The following DSCAM variants were observed in gnomAD, a reference collection of about 807,000 sequenced individuals.
The protein encoded by DSCAM is DS cell adhesion molecule, also known as cell adhesion molecule DSCAM.
Under a neutral mutation model 217.7 loss-of-function variants are expected in DSCAM, and 47 were observed. The observed-to-expected ratio is 0.22, with a 90% CI of 0.17 to 0.28. The LOEUF is 0.28. Ranked by LOEUF, DSCAM falls within the 10% of genes least tolerant of loss-of-function variation. The pLI is 1.00. For synonymous variants in DSCAM, 1,056 were observed against 1,015.3 expected (o/e 1.04, Z -0.76); for missense variants, 2,080 against 2,618.3 (o/e 0.79, Z 4.49).
At chr21:40,746,884 A>C (rs2091180110) in intron 1 of DSCAM, among the ~76,000 whole-genome samples, 1 of 151,984 alleles carries the variant, frequency 6.6e-6, no homozygotes, top group African/African-American at 2.4e-5. Flanking sequence ...CCACCATGGA[A>C]TAAAACTAAA....
intron 27 of DSCAM, among the ~76,000 whole-genome samples, chr21:40,069,278 G>A (rs983263341): frequency 6.6e-6 from 1 of 152,186 alleles, no homozygotes; most frequent in Non-Finnish European, 1.5e-5. Context: ...GTTAGATCGA[G>A]TTTTGGGAAA....
chr21:40,793,005 T>G (rs1212791340), intron 1 of DSCAM, among the ~76,000 whole-genome samples: 1 of 152,320 alleles, frequency 6.6e-6, no homozygotes, highest in East Asian at 1.9e-4. Context: ...TATATTTAGG[T>G]CCAAAAGGTA....
intron 1 of DSCAM, among the ~76,000 whole-genome samples, chr21:40,815,073 G>A (rs1054672827): frequency 5.9e-5 from 9 of 152,168 alleles, no homozygotes; most frequent in African/African-American, 2.2e-4. Context: ...GCAGCCCAGT[G>A]ATGCAGGCAG....
At chr21:40,430,590 T>C (rs573235332) in intron 3 of DSCAM, among the ~76,000 whole-genome samples, 28 of 152,326 alleles carry the variant, frequency 1.8e-4, no homozygotes, top group African/African-American at 6.3e-4. Context: ...ATCCTATGAT[T>C]GTGTAAGTTA....
At chr21:40,057,830 G>A (rs920739391) in intron 28 of DSCAM, among the ~76,000 whole-genome samples, 6 of 149,870 alleles carry the variant, frequency 4.0e-5, no homozygotes, top group Non-Finnish European at 7.4e-5. Flanking sequence ...TTGCTCTGTC[G>A]CCCAGGCTGG....
chr21:40,652,365 A>T (rs2090026184), intron 3 of DSCAM, among the ~76,000 whole-genome samples: 1 of 149,942 alleles, frequency 6.7e-6, no homozygotes. Flanking sequence ...AAAAAAAACA[A>T]CTTCTAGCTA....
At chr21:40,265,141 G>A (rs887681241) in intron 11 of DSCAM, among the ~76,000 whole-genome samples, 1 of 150,488 alleles carries the variant, frequency 6.6e-6, no homozygotes, top group Non-Finnish European at 1.5e-5. Flanking sequence ...GCAGTGAGCC[G>A]AAATCGTACC....
intron 10 of DSCAM, among the ~76,000 whole-genome samples, chr21:40,291,028 G>A (rs1195684960): frequency 1.3e-5 from 2 of 152,124 alleles, no homozygotes; most frequent in Admixed American, 1.3e-4. Context: ...GCATAGAGAG[G>A]AGCCCAAAAC....
intron 3 of DSCAM, among the ~76,000 whole-genome samples, chr21:40,677,282 T>A (rs2090350945): frequency 6.6e-6 from 1 of 151,948 alleles, no homozygotes; most frequent in Non-Finnish European, 1.5e-5. Flanking sequence ...GAAAAGAGTG[T>A]GGCTGAAGGT....
chr21:40,533,559 ATCC>A (rs2076468429), intron 3 of DSCAM, among the ~76,000 whole-genome samples: 1 of 116,384 alleles, frequency 8.6e-6, no homozygotes, highest in African/African-American at 3.2e-5. Context: ...CCATCCATTC[ATCC>A]ATCCATCCAT....
At chr21:40,485,962 G>A (rs919421227) in intron 3 of DSCAM, among the ~76,000 whole-genome samples, 2 of 152,116 alleles carry the variant, frequency 1.3e-5, no homozygotes, top group African/African-American at 4.8e-5. Flanking sequence ...TAAATCTACT[G>A]CATATTCTTT....
chr21:40,259,653 C>A (rs1388644149), intron 11 of DSCAM, among the ~76,000 whole-genome samples: 2 of 137,902 alleles, frequency 1.5e-5, no homozygotes, highest in Non-Finnish European at 3.1e-5. Context: ...AGTTTTGAGT[C>A]AGCCATTCTT....
intron 1 of DSCAM, among the ~76,000 whole-genome samples, chr21:40,725,390 G>A (rs1412456170): frequency 6.6e-6 from 1 of 152,138 alleles, no homozygotes; most frequent in African/African-American, 2.4e-5. Flanking sequence ...CCAGGTATGA[G>A]GTACTCTTCT....
chr21:40,710,971 G>A lies in DSCAM; in HGVS notation c.44-2200C>T, dbSNP rs182165896. Among the ~76,000 whole-genome samples the A allele has an allele frequency of 5.4e-4, 81 of 150,706 alleles. 2 individuals are homozygous for A. The highest frequency in any genetic ancestry group is 1.0e-4 in the Non-Finnish European group (7 of 67,562). Reference sequence around the variant, plus strand: ...ACAACAGCTCCGCTAGGTAAACAAAGGCTCCACTTTGCAGACGGTGACATG... The same window carrying A: ...ACAACAGCTCCGCTAGGTAAACAAAAGCTCCACTTTGCAGACGGTGACATG... On this transcript the variant is annotated intron_variant, in intron 1 of 32. Transcript: ENST00000400454.
chr21:40,205,780 C>G lies in DSCAM; in HGVS notation c.2357-16542G>C, dbSNP rs549568876. Among the ~76,000 whole-genome samples, 35 of 152,080 alleles carry G rather than the reference C, an allele frequency of 2.3e-4. 1 individual carries two copies. Among genetic ancestry groups the G allele is most frequent in the Non-Finnish European group, 4.4e-5 (3 of 68,000 alleles). On this transcript the variant is annotated intron_variant, in intron 11 of 32. Transcript: ENST00000400454. Reference sequence around the variant, plus strand: ...ATTATATTGTATATTTCCCCATATGCACATATAAAACAGGCATATAAGATA... The same window carrying G: ...ATTATATTGTATATTTCCCCATATGGACATATAAAACAGGCATATAAGATA...
At chr21:40,786,589 G>T (rs1359869460) in intron 1 of DSCAM, among the ~76,000 whole-genome samples, 2 of 152,116 alleles carry the variant, frequency 1.3e-5, no homozygotes, top group African/African-American at 4.8e-5. Context: ...TTCTCAAAAG[G>T]TGCTGCAGGG....
chr21:40,380,860 G>A (rs900540195), intron 3 of DSCAM, among the ~76,000 whole-genome samples: 6 of 151,772 alleles, frequency 4.0e-5, no homozygotes, highest in Admixed American at 6.6e-5. Context: ...TCAGGAGATC[G>A]AGACCATCCT....
chr21:40,376,453 CTATA>C (rs1350434421), intron 3 of DSCAM, among the ~76,000 whole-genome samples: 1 of 138,232 alleles, frequency 7.2e-6, no homozygotes, highest in African/African-American at 2.7e-5. Context: ...ATATAGATAT[CTATA>C]TATCTTATAT....
intron 7 of DSCAM, among the ~76,000 whole-genome samples, chr21:40,338,762 A>G (rs974736990): frequency 1.3e-5 from 2 of 152,244 alleles, no homozygotes; most frequent in Non-Finnish European, 2.9e-5. Context: ...AATGGAGGTT[A>G]CATCACGTTG....
Sources: allele counts gnomAD v4.1 joint callset (sites outside exome capture counted in the v4.1 genomes callset), GRCh38; gene constraint gnomAD v4.1.1; transcripts MANE v1.5; gene names NCBI Gene and HGNC (gene_info 2026-07-23, HGNC 2026-07-21).